Variants in SKI observed in about 807,000 individuals in gnomAD.
SKI encodes ski oncogene.
Under a neutral mutation model 59.3 loss-of-function variants are expected in SKI, and 23 were observed. The ratio of observed to expected loss-of-function variants is 0.39; its 90% CI spans 0.28 to 0.55. The LOEUF is 0.55. SKI is among the 20% of genes least tolerant of loss of function. SKI has a pLI of 0.67. For missense variants in SKI, 1,017 were observed against 1,038.9 expected (o/e 0.98, Z 0.29); for synonymous variants, 673 against 488.6 (o/e 1.38, Z -4.98).
At chr1:2,289,679 C>A (rs1263264464) in intron 1 of SKI, among the ~76,000 whole-genome samples, 4 of 151,770 alleles carry the variant, frequency 2.6e-5, no homozygotes, top group Non-Finnish European at 5.9e-5. Flanking sequence ...GCTCTCCCCT[C>A]CCCCGAGCCC....
chr1:2,305,044 C>T (rs1268983679), intron 5 of SKI, among the ~76,000 whole-genome samples: 3 of 152,204 alleles, frequency 2.0e-5, no homozygotes, highest in Admixed American at 1.3e-4. Flanking sequence ...AAAACACAGG[C>T]GTGAGGGGCG....
Position 2,268,951 on chromosome 1 carries a change from C to A in SKI, c.970-34027C>A, listed in dbSNP as rs4648626. On this transcript the variant is annotated intron_variant, in intron 1 of 6. Transcript: ENST00000378536. This position sits in a 1 kb window ranked among gnomAD's most constrained non-coding sequence, Gnocchi z 5.0. ...CCTCTCTTTCCTTCTCTCCTTCTCT[C>A]CCTCTTCTTTTTTCGACAGGGTCTG... Among the ~76,000 whole-genome samples the A allele has an allele frequency of 0.42, 63,727 of 150,478 alleles. 13,626 individuals carry two copies. The highest frequency in any genetic ancestry group is 0.51 in the Admixed American group (7,718 of 15,112).
rs777226163 is a variant in SKI, at chr1:2,268,774, G to T, written c.970-34204G>T. On this transcript the variant is annotated intron_variant, in intron 1 of 6. Transcript: ENST00000378536. This position sits in a 1 kb window ranked among gnomAD's most constrained non-coding sequence, Gnocchi z 5.0. Reference sequence around the variant, plus strand: ...ATGACAGGAGTGGGTGTGGGGACTGGTGGGGACAGCGACTGTGCCTTCTGG... The same window carrying T: ...ATGACAGGAGTGGGTGTGGGGACTGTTGGGGACAGCGACTGTGCCTTCTGG... 6.6e-6 allele frequency among the ~76,000 whole-genome samples: 1 copy of T among 152,202 alleles called. No homozygotes were observed.
intron 1 of SKI, among the ~76,000 whole-genome samples, chr1:2,279,449 G>A (rs567385583): frequency 1.3e-5 from 2 of 152,162 alleles, no homozygotes; most frequent in African/African-American, 2.4e-5. Context: ...CCGGCCTCTC[G>A]CCTGTTCCCG....
intron 1 of SKI, among the ~76,000 whole-genome samples, chr1:2,230,710 TTG>T (rs1192118091): frequency 3.3e-5 from 5 of 152,178 alleles, no homozygotes; most frequent in African/African-American, 1.2e-4. Context: ...CCCCAAGTAT[TTG>T]TAACTTTTCT....
chr1:2,292,431 C>T (rs1279211983), intron 1 of SKI, among the ~76,000 whole-genome samples: 1 of 152,202 alleles, frequency 6.6e-6, no homozygotes, highest in Non-Finnish European at 1.5e-5. Flanking sequence ...AGCAGACGTT[C>T]ATCAGGGACC....
intron 1 of SKI, among the ~76,000 whole-genome samples, chr1:2,253,515 C>G (rs531011648): frequency 6.6e-6 from 1 of 152,228 alleles, no homozygotes; most frequent in Admixed American, 6.5e-5. Context: ...GAACAGGACA[C>G]GCAGCCTTAT....
At position 2,303,787 on chromosome 1, in the gene SKI, T is replaced by C; in HGVS notation, c.1212-53T>C. On this transcript the variant is annotated intron_variant, in intron 3 of 6. Coordinates refer to ENST00000378536, the MANE Select transcript of SKI (RefSeq NM_003036.4). The surrounding 1 kb of genome is among the most constrained non-coding windows in gnomAD (Gnocchi z 5.6). ...GAGGGGGTGTGCGCCAGGATGTGTC[T>C]GGGTGGTGCTTGGGGACAGAGGCAC... 1 of 1,604,754 alleles carries C rather than the reference T, an allele frequency of 6.2e-7. No homozygotes were observed.
At chr1:2,248,890 C>T (rs1360942913) in intron 1 of SKI, among the ~76,000 whole-genome samples, 1 of 152,210 alleles carries the variant, frequency 6.6e-6, no homozygotes, top group Non-Finnish European at 1.5e-5. Flanking sequence ...CTTTTCTAGG[C>T]CTCAGTTTCC....
At chr1:2,243,988 CAG>C (rs1437009096) in intron 1 of SKI, among the ~76,000 whole-genome samples, 1 of 147,584 alleles carries the variant, frequency 6.8e-6, no homozygotes, top group African/African-American at 2.5e-5. Context: ...TTTTTTGACA[CAG>C]AGTCTCGCTC....
intron 1 of SKI, among the ~76,000 whole-genome samples, chr1:2,234,967 C>A (rs61776614): frequency 1.3e-5 from 2 of 151,614 alleles, no homozygotes; most frequent in African/African-American, 4.8e-5. Context: ...GCCTCCAGAG[C>A]GGGTGGTAGG....
intron 1 of SKI, among the ~76,000 whole-genome samples, chr1:2,256,650 G>A (rs1159313737): frequency 6.6e-6 from 1 of 152,250 alleles, no homozygotes; most frequent in African/African-American, 2.4e-5. Flanking sequence ...TGGTAACTGG[G>A]CACCCGTGTA....
chr1:2,294,081 A>AC (rs1640230393), intron 1 of SKI, among the ~76,000 whole-genome samples: 1 of 152,010 alleles, frequency 6.6e-6, no homozygotes, highest in African/African-American at 2.4e-5. Flanking sequence ...GTCGTGCAGG[A>AC]AGGTTCGAGG....
At chr1:2,302,898 C>T in intron 1 of SKI, 80 bp from the exon 2 acceptor site, 1 of 1,586,168 alleles carries the variant, frequency 6.3e-7, no homozygotes, top group Non-Finnish European at 8.6e-7. Flanking sequence ...GCTCTGACTG[C>T]CATGTGCCAG....
At position 2,303,882 on chromosome 1, in the gene SKI, C is replaced by T. The variant is rs536126761; in HGVS notation, c.1254C>T (p.Asn418=). 2.6e-4 allele frequency: 426 copies of T among 1,612,442 alleles called. 4 individuals carry two copies. In the South Asian group the frequency reaches 3.0e-3, roughly 11 times the overall value. The change falls in exon 4 of 7, where the codon AAC becomes AAT. Residue 418 remains asparagine (N), a synonymous_variant. Transcript: ENST00000378536. This position sits in a 1 kb window ranked among gnomAD's most constrained non-coding sequence, Gnocchi z 5.6. ...GCTTTGAGACAGCCGTGGCGCCCAA[C>T]GTGGCCCTCGCACCGCCGGCCCAGC... ...YKSFETAVAP[N]VALAPPAQQK... is the part of the protein sequence containing the mutation.
intron 1 of SKI, among the ~76,000 whole-genome samples, chr1:2,302,740 G>A (rs1045140411): frequency 2.6e-5 from 4 of 152,174 alleles, no homozygotes; most frequent in African/African-American, 9.7e-5. Context: ...CTGTTCTCTC[G>A]GAGATGACTT....
At chr1:2,259,583 A>G (rs952689457) in intron 1 of SKI, among the ~76,000 whole-genome samples, 2 of 152,244 alleles carry the variant, frequency 1.3e-5, no homozygotes, top group Non-Finnish European at 2.9e-5. Context: ...TAAGCTGCGT[A>G]TATTTAAAGA....
chr1:2,276,659 G>A lies in SKI; in HGVS notation c.970-26319G>A, dbSNP rs182855663. 1.2e-4 allele frequency among the ~76,000 whole-genome samples: 18 copies of A among 152,350 alleles called. 1 individual carries two copies. The highest frequency in any genetic ancestry group is 9.8e-4 in the Admixed American group (15 of 15,306). On this transcript the variant is annotated intron_variant, in intron 1 of 6. Transcript: ENST00000378536. ...CTCACTGTGTGGGGCTGGGGACAGCGCTAGGCCTGCTTTAGGCCGTGCACC... is the reference window on the plus strand; with the variant it reads ...CTCACTGTGTGGGGCTGGGGACAGCACTAGGCCTGCTTTAGGCCGTGCACC...
chr1:2,272,298 A>C (rs1229120445), intron 1 of SKI, among the ~76,000 whole-genome samples: 1 of 152,268 alleles, frequency 6.6e-6, no homozygotes, highest in Non-Finnish European at 1.5e-5. Context: ...GGTGTTAAAA[A>C]TTAAGCAAAA....
Sources: gnomAD v4.1 joint callset for allele counts (sites outside exome capture counted in the v4.1 genomes callset) on GRCh38, gnomAD v4.1.1 for gene constraint, Gnocchi (gnomAD v3.1) non-coding constraint, MANE v1.5 for transcripts, NCBI Gene and HGNC (gene_info 2026-07-23, HGNC 2026-07-21) for gene names.